The following SMCO4 variants were observed in gnomAD, a reference collection of about 807,000 sequenced individuals.
SMCO4 encodes single-pass membrane protein with coiled-coil domains 4.
Under a neutral mutation model 3.6 loss-of-function variants are expected in SMCO4, and 4 were observed. The observed-to-expected ratio is 1.11, with a 90% confidence interval of 0.54 to 2.53. The LOEUF (loss-of-function observed/expected upper bound fraction) is 2.53, where lower values mean the gene tolerates loss of function less well. Ranked by LOEUF, SMCO4 falls within the 30% of genes most tolerant of loss-of-function variation. SMCO4 has a pLI of 0.02. For synonymous variants in SMCO4, 36 were observed against 35.3 expected (o/e 1.02, Z -0.07); for missense variants, 70 against 80.8 (o/e 0.87, Z 0.51).
intron 1 of SMCO4, among the ~76,000 whole-genome samples, chr11:93,502,580 A>G (rs947385205): frequency 2.0e-5 from 3 of 152,222 alleles, no homozygotes; most frequent in African/African-American, 7.2e-5. Context: ...TGGCCATGGT[A>G]AAACAGGTAC....
intron 2 of SMCO4, among the ~76,000 whole-genome samples, chr11:93,492,685 G>A (rs1287070575): frequency 3.3e-5 from 5 of 152,192 alleles, no homozygotes; most frequent in African/African-American, 1.2e-4. Context: ...GGAGGGCAAA[G>A]GCCACAAGGC....
chr11:93,503,544 T>TA (rs1479524817), intron 1 of SMCO4, among the ~76,000 whole-genome samples: 2 of 152,206 alleles, frequency 1.3e-5, no homozygotes, highest in Non-Finnish European at 2.9e-5. Flanking sequence ...TAGACATGAT[T>TA]AAGTCAAGAA....
chr11:93,552,490 G>T, the SMCO4 span, among the ~76,000 whole-genome samples: 1 of 94,280 alleles, frequency 1.1e-5, no homozygotes, highest in Non-Finnish European at 2.4e-5. Flanking sequence ...TATTATTTTT[G>T]AGACAGAGTC....
At chr11:93,540,618 C>T (rs527619439) in intron 1 of SMCO4, among the ~76,000 whole-genome samples, 3 of 152,290 alleles carry the variant, frequency 2.0e-5, no homozygotes, top group African/African-American at 7.2e-5. Context: ...ATTGAAAGAT[C>T]ATCAGTAACT....
At chr11:93,513,289 G>T (rs1364946395) in intron 1 of SMCO4, among the ~76,000 whole-genome samples, 1 of 152,204 alleles carries the variant, frequency 6.6e-6, no homozygotes, top group Non-Finnish European at 1.5e-5. Context: ...CCTTAGCAAT[G>T]TTAGCCTTTT....
At chr11:93,550,925 C>G in the SMCO4 span, among the ~76,000 whole-genome samples, 1 of 152,178 alleles carries the variant, frequency 6.6e-6, no homozygotes, top group Non-Finnish European at 1.5e-5. Flanking sequence ...TGGTCTGGCA[C>G]ATTTTTTAAC....
At chr11:93,542,492 C>T (rs1361938282) in intron 1 of SMCO4, among the ~76,000 whole-genome samples, 1 of 152,208 alleles carries the variant, frequency 6.6e-6, no homozygotes, top group Non-Finnish European at 1.5e-5. Context: ...AGCTGTCCCT[C>T]CTCAACTTCC....
intron 1 of SMCO4, among the ~76,000 whole-genome samples, chr11:93,517,461 G>A (rs1264865396): frequency 2.0e-5 from 3 of 152,088 alleles, no homozygotes; most frequent in Admixed American, 6.5e-5. Context: ...ACATGGTTAT[G>A]GCAACTTCTA....
At chr11:93,534,375 T>TATAGAGAGAGAGAG (rs369643237) in intron 1 of SMCO4, among the ~76,000 whole-genome samples, 1 of 142,132 alleles carries the variant, frequency 7.0e-6, no homozygotes, top group African/African-American at 2.6e-5. Flanking sequence ...TATATATATA[T>TATAGAGAGAGAGAG]AGAGAGAGAG....
At chr11:93,501,098 C>T (rs1006859227) in intron 1 of SMCO4, among the ~76,000 whole-genome samples, 1 of 152,218 alleles carries the variant, frequency 6.6e-6, no homozygotes, top group African/African-American at 2.4e-5. Flanking sequence ...CACTTTCTCT[C>T]ACTAGGCCTC....
chr11:93,483,828 A>G (rs1948618688), intron 2 of SMCO4, among the ~76,000 whole-genome samples: 1 of 152,200 alleles, frequency 6.6e-6, no homozygotes, highest in Non-Finnish European at 1.5e-5. Context: ...GTGACTCTGA[A>G]GCCTGGACAG....
intron 1 of SMCO4, among the ~76,000 whole-genome samples, chr11:93,503,373 GC>G (rs1173053627): frequency 3.3e-5 from 5 of 152,056 alleles, no homozygotes; most frequent in African/African-American, 1.2e-4. Flanking sequence ...GGGGAAAACT[GC>G]CCCCATGATT....
chr11:93,480,267 C>T (rs1423828097), intron 2 of SMCO4, among the ~76,000 whole-genome samples: 3 of 152,304 alleles, frequency 2.0e-5, no homozygotes, highest in Admixed American at 2.0e-4. Flanking sequence ...GCCCAACTCA[C>T]ACTCCCAGTG....
intron 1 of SMCO4, among the ~76,000 whole-genome samples, chr11:93,539,886 G>A (rs1949257461): frequency 6.6e-6 from 1 of 151,638 alleles, no homozygotes; most frequent in Admixed American, 6.6e-5. Context: ...TATACTATAG[G>A]CTCTTCCAGG....
chr11:93,526,113 A>G (rs1235058231), intron 1 of SMCO4, among the ~76,000 whole-genome samples: 1 of 152,098 alleles, frequency 6.6e-6, no homozygotes, highest in Non-Finnish European at 1.5e-5. Context: ...ATCTTCCCAT[A>G]AAACAAGGGA....
At chr11:93,485,072 A>G (rs1476042502) in intron 2 of SMCO4, among the ~76,000 whole-genome samples, 1 of 152,242 alleles carries the variant, frequency 6.6e-6, no homozygotes, top group East Asian at 1.9e-4. Context: ...TGTTTTGAAT[A>G]TACTGGGTTA....
chr11:93,527,929 C>T (rs986615112), intron 1 of SMCO4, among the ~76,000 whole-genome samples: 8 of 152,094 alleles, frequency 5.3e-5, no homozygotes, highest in African/African-American at 1.9e-4. Flanking sequence ...GTACAAGTCA[C>T]CACACCCAGT....
the SMCO4 span, among the ~76,000 whole-genome samples, chr11:93,552,561 T>G: frequency 6.6e-6 from 1 of 151,486 alleles, no homozygotes; most frequent in South Asian, 2.1e-4. Flanking sequence ...AACCTCTGTC[T>G]CCCGGGTTCA....
At chr11:93,548,399 T>C in the SMCO4 span, among the ~76,000 whole-genome samples, 72 of 152,360 alleles carry the variant, frequency 4.7e-4, no homozygotes, top group African/African-American at 1.6e-3. Context: ...ATTCTCACTT[T>C]ATAATCTCAG....
Sources: gnomAD v4.1 joint callset for allele counts (sites outside exome capture counted in the v4.1 genomes callset) on GRCh38, gnomAD v4.1.1 for gene constraint, MANE v1.5 for transcripts, NCBI Gene and HGNC (gene_info 2026-07-23, HGNC 2026-07-21) for gene names.